The following PRAMEF14 variants were observed in gnomAD, a reference collection of about 807,000 sequenced individuals.
PRAMEF14 encodes the protein PRAME family member 14.
A neutral mutation model predicts 38.3 loss-of-function variants in PRAMEF14; 24 were observed. That is an observed-to-expected ratio of 0.63 (90% CI 0.45 to 0.88). The LOEUF is 0.88. PRAMEF14 is among the 40% of genes least tolerant of loss of function. The pLI, the probability that PRAMEF14 is intolerant of heterozygous loss-of-function variation, is 0.00. For missense variants in PRAMEF14, 477 were observed against 570.8 expected (o/e 0.84, Z 1.67); for synonymous variants, 194 against 226.4 (o/e 0.86, Z 1.29).
chr1:13,346,414 A>G (rs1268659665), intron 1 of PRAMEF14, among the ~76,000 whole-genome samples: 3 of 150,410 alleles, frequency 2.0e-5, no homozygotes, highest in Non-Finnish European at 4.4e-5. Flanking sequence ...AGGCTGAAGC[A>G]GGAGAATCGC....
rs1389757249 is a variant in PRAMEF14, at chr1:13,342,699, A to G, written c.1254T>C (p.Ser418=). The G allele has an allele frequency of 2.5e-6, 4 of 1,604,712 alleles. No individual in the cohort carries two copies. The highest frequency in any genetic ancestry group is 3.3e-5 in the Admixed American group (2 of 59,784). ...SLETYPAPEE[S]LNSLVRVDWE... Reference sequence around the variant, plus strand: ...AATCGACACGAACCAAGGAATTCAAACTCTCCTCAGGGGCAGGATACGTCT... The same window carrying G: ...AATCGACACGAACCAAGGAATTCAAGCTCTCCTCAGGGGCAGGATACGTCT... The change falls in exon 4 of 4, where the codon AGT becomes AGC. Residue 418 remains serine, a synonymous_variant. Transcript: ENST00000334600.
In PRAMEF14 at chr1:13,342,493, C is replaced by T. The variant is rs1276778343; in HGVS notation, c.*35G>A. The stretch of plus-strand genomic sequence containing the variant: ...TAGTGTCCCAGTGCCTGGAAGAGAA[C>T]TTTGGATTTCTCTACCCCGCTAGGC... On this transcript the variant is annotated 3_prime_UTR_variant, in exon 4 of 4. Transcript: ENST00000334600. 1.2e-6 allele frequency: 2 copies of T among 1,603,958 alleles called. No homozygotes were observed. The highest frequency in any genetic ancestry group is 2.4e-5 in the East Asian group (1 of 42,224).
At position 13,347,081 on chromosome 1, in the gene PRAMEF14, T is replaced by C. The variant is rs1231466851; in HGVS notation, c.-50A>G. The C allele has an allele frequency of 6.7e-6, 1 of 150,058 alleles. No individual in the cohort carries two copies. Among genetic ancestry groups the C allele is most frequent in the Non-Finnish European group, 1.5e-5 (1 of 67,552 alleles). 9.3% of individuals were successfully genotyped at this position (150,058 alleles called of 1,614,324 possible). A position where few individuals can be genotyped will look rare whatever the true frequency, so the allele number is the denominator to read the frequency against. The stretch of plus-strand genomic sequence containing the variant: ...CCAGCGCTGGACTCACTTTGCAGAG[T>C]TCTGGGACCTCTCAGGGAACCAAGC... On this transcript the variant is annotated 5_prime_UTR_variant, in exon 1 of 4. Transcript: ENST00000334600.
chr1:13,345,504 C>T (rs1189026054), intron 1 of PRAMEF14, among the ~76,000 whole-genome samples, 165 bp from the exon 2 acceptor site: 6 of 150,782 alleles, frequency 4.0e-5, no homozygotes, highest in Admixed American at 1.3e-4. Flanking sequence ...CCAGAACCAC[C>T]GGACACTGCC....
At position 13,342,638 on chromosome 1, in the gene PRAMEF14, A is replaced by C. The variant is rs1050070886; in HGVS notation, c.1315T>G (p.Cys439Gly). ...GGCTGCCTGACTTCCCTCAGTGTAC[A>C]CATCAGCTCAGCCCGAAGTAGGGCG... ...IFALLRAELM[C>G]TLREVRQPKR... is the part of the protein sequence containing the mutation. Residue 439 changes from cysteine to glycine, a missense_variant, in exon 4 of 4, where the codon TGT (cysteine) becomes GGT (glycine). Cys to Gly is a radical substitution (Grantham distance 159). Around this residue, in one of 4 missense-constraint regions of PRAMEF14, gnomAD observed 151 missense variants for 137.4 expected, o/e 1.10. Transcript: ENST00000334600. 1 of 1,604,906 alleles carries C rather than the reference A, an allele frequency of 6.2e-7. No individual in the cohort carries two copies. Among genetic ancestry groups the C allele is most frequent in the African/African-American group, 1.3e-5 (1 of 74,550 alleles).
At chr1:13,345,466 T>C in intron 1 of PRAMEF14, 127 bp from the exon 2 acceptor site, 1 of 1,316,214 alleles carries the variant, frequency 7.6e-7, no homozygotes, top group Non-Finnish European at 1.0e-6. Flanking sequence ...ACTGGCTTAT[T>C]AATTTTCATC....
In PRAMEF14 at chr1:13,342,999, G is replaced by A; in HGVS notation, c.954C>T (p.Ser318=). The change falls in exon 4 of 4, where the codon AGC becomes AGT. Residue 318 remains serine (S), a synonymous_variant. Transcript: ENST00000334600. ...GATTCAGATGCTTTAGGTAACCGAG[G>A]CTTGGGTACTGGGAGAGACACTTCA... The part of the protein sequence containing the change: ...EDMKCLSQYP[S]LGYLKHLNLS... 6.2e-7 allele frequency: 1 copy of A among 1,611,470 alleles called. No homozygotes were observed. Among genetic ancestry groups the A allele is most frequent in the Non-Finnish European group, 8.5e-7 (1 of 1,179,222 alleles).
At position 13,344,417 on chromosome 1, in the gene PRAMEF14, A is replaced by G; in HGVS notation, c.487T>C (p.Cys163Arg). 6.2e-7 allele frequency: 1 copy of G among 1,604,646 alleles called. No individual in the cohort carries two copies. The highest frequency in any genetic ancestry group is 8.5e-7 in the Non-Finnish European group (1 of 1,177,056). ...ICLKEIPQDE[C>R]LRYLFQWVYQ... ...ACCCACTGAAAGAGGTATCTCAGGC[A>G]TTCATCCTGGGGTATTTCCTTGAGG... The change falls in exon 3 of 4, where the codon TGC (cysteine) becomes CGC (arginine). Residue 163 changes from cysteine to arginine, a missense_variant. Around this residue, in one of 4 missense-constraint regions of PRAMEF14, gnomAD observed 234 missense variants for 247.4 expected, o/e 0.95. Coordinates refer to ENST00000334600, the MANE Select transcript of PRAMEF14 (RefSeq NM_001024661.2).
At position 13,344,313 on chromosome 1, in the gene PRAMEF14, C is replaced by T; in HGVS notation, c.591G>A (p.Lys197=). Residue 197 remains lysine, a synonymous_variant, in exon 3 of 4, where the codon AAG becomes AAA. Coordinates refer to ENST00000334600, the MANE Select transcript of PRAMEF14 (RefSeq NM_001024661.2). ...TATTCAGGTATATTATTTTCAATGA[C>T]TTTCTGAGATGTTTAATCGGCGTTA... The part of the protein sequence containing the change: ...NYLTPIKHLR[K]SLKIIYLNSI... 2 of 1,607,668 alleles carry T rather than the reference C, an allele frequency of 1.2e-6. No homozygotes were observed. Among genetic ancestry groups the T allele is most frequent in the Non-Finnish European group, 1.7e-6 (2 of 1,178,012 alleles).
chr1:13,343,042 T>G lies in PRAMEF14; in HGVS notation c.911A>C (p.Tyr304Ser). Reference sequence around the variant, plus strand: ...ACACTTCATGTCTTCTTCCAATAGGTAGCCATAAGTTAATTCCAAGTTCTC... The same window carrying G: ...ACACTTCATGTCTTCTTCCAATAGGGAGCCATAAGTTAATTCCAAGTTCTC... Reference protein sequence around the residue: ...PLENLELTYGYLLEEDMKCLS... With the variant: ...PLENLELTYGSLLEEDMKCLS... Residue 304 changes from tyrosine to serine, a missense_variant, in exon 4 of 4, where the codon TAC (tyrosine) becomes TCC (serine). By Grantham distance (144) the Tyr-to-Ser change is moderately radical. Transcript: ENST00000334600. 3.1e-6 allele frequency: 5 copies of G among 1,612,102 alleles called. No individual in the cohort carries two copies. The highest frequency in any genetic ancestry group is 4.2e-6 in the Non-Finnish European group (5 of 1,179,362).
At chr1:13,343,496 T>G in intron 3 of PRAMEF14, 4 of 1,123,622 alleles carry the variant, frequency 3.6e-6, no homozygotes, top group Admixed American at 2.4e-5. Context: ...AACTGTCACT[T>G]TTTACCACTC....
Position 13,344,093 on chromosome 1 carries a change from A to G in PRAMEF14, c.811T>C (p.Leu271=), listed in dbSNP as rs1640367905. The G allele has an allele frequency of 6.2e-6, 10 of 1,608,310 alleles. No homozygotes were observed. The highest frequency in any genetic ancestry group is 6.8e-6 in the Non-Finnish European group (8 of 1,178,460). The change falls in exon 3 of 4, where the codon TTG becomes CTG. Residue 271 remains leucine, a synonymous_variant. Coordinates refer to ENST00000334600, the MANE Select transcript of PRAMEF14 (RefSeq NM_001024661.2). ...SVFLRLEHLQ[L]LKIKLITFFS... Reference sequence around the variant, plus strand: ...AAGGTGATCAATTTTATTTTAAGCAACTGGAGGTGTTCCAGCCTGAGGAAC... The same window carrying G: ...AAGGTGATCAATTTTATTTTAAGCAGCTGGAGGTGTTCCAGCCTGAGGAAC...
Position 13,344,443 on chromosome 1 carries a change from C to T in PRAMEF14, c.461G>A (p.Cys154Tyr). Residue 154 changes from cysteine to tyrosine, a missense_variant, in exon 3 of 4, where the codon TGC becomes TAC. Physicochemically the swap from Cys to Tyr is radical, Grantham distance 194. Transcript: ENST00000334600. ...TTCATCCTGGGGTATTTCCTTGAGG[C>T]AGATGTCTATGAACACCTTTAAGGG... ...HQPLKVFIDICLKEIPQDECL... is the reference protein window; with the variant it reads ...HQPLKVFIDIYLKEIPQDECL... 1.2e-6 allele frequency: 2 copies of T among 1,606,696 alleles called. No homozygotes were observed. Among genetic ancestry groups the T allele is most frequent in the Admixed American group, 1.7e-5 (1 of 59,838 alleles).
intron 2 of PRAMEF14, 67 bp from the exon 3 acceptor site, chr1:13,344,683 T>C: frequency 1.9e-6 from 3 of 1,596,920 alleles, no homozygotes; most frequent in Non-Finnish European, 2.6e-6. Context: ...GCTTTCATTC[T>C]CATCCCATAA....
intron 2 of PRAMEF14, among the ~76,000 whole-genome samples, chr1:13,344,818 G>A (rs1170920028): frequency 1.3e-5 from 2 of 150,292 alleles, no homozygotes; most frequent in African/African-American, 2.4e-5. Context: ...CTTCCACTGA[G>A]TAAAGGCAGG....
chr1:13,344,591 A>T lies in PRAMEF14; in HGVS notation c.313T>A (p.Leu105Met), dbSNP rs1160850637. The T allele has an allele frequency of 1.9e-6, 3 of 1,604,014 alleles. No individual in the cohort carries two copies. Among genetic ancestry groups the T allele is most frequent in the Non-Finnish European group, 2.5e-6 (3 of 1,176,952 alleles). ...PRRWKLQVLDLRDVDENFWAR... is the reference protein window; with the variant it reads ...PRRWKLQVLDMRDVDENFWAR... ...CAGAAATTCTCATCAACATCCCGCAAATCCAGCACTTGAAGTTTCCACCTC... is the reference window on the plus strand; with the variant it reads ...CAGAAATTCTCATCAACATCCCGCATATCCAGCACTTGAAGTTTCCACCTC... Residue 105 changes from leucine (L) to methionine (M), a missense_variant, in exon 3 of 4, where the codon TTG (leucine) becomes ATG (methionine). By Grantham distance (15) the Leu-to-Met change is conservative. Coordinates refer to ENST00000334600, the MANE Select transcript of PRAMEF14 (RefSeq NM_001024661.2).
At chr1:13,345,530 A>T (rs1338368991) in intron 1 of PRAMEF14, among the ~76,000 whole-genome samples, 191 bp from the exon 2 acceptor site, 3 of 150,884 alleles carry the variant, frequency 2.0e-5, no homozygotes, top group East Asian at 4.3e-4. Context: ...GGATCCTGAA[A>T]GCCAAGCTCT....
At chr1:13,346,110 G>A (rs1212221369) in intron 1 of PRAMEF14, among the ~76,000 whole-genome samples, 2 of 151,060 alleles carry the variant, frequency 1.3e-5, no homozygotes, top group African/African-American at 2.4e-5. Context: ...ACTCCAGTCT[G>A]GGTGACACAC....
intron 3 of PRAMEF14, 55 bp from the exon 4 acceptor site, chr1:13,343,141 T>A: frequency 1.4e-6 from 2 of 1,481,128 alleles, no homozygotes; most frequent in Non-Finnish European, 1.8e-6. Context: ...ATGAAGGTAG[T>A]GCCTTCATCT....
Sources: allele counts gnomAD v4.1 joint callset (sites outside exome capture counted in the v4.1 genomes callset), GRCh38; gene constraint gnomAD v4.1.1; regional missense constraint gnomAD v4.1.1; transcripts MANE v1.5; gene names NCBI Gene and HGNC (gene_info 2026-07-23, HGNC 2026-07-21).